The following BMP2K variants were observed in gnomAD, a reference collection of about 807,000 sequenced individuals.
The protein encoded by BMP2K is BMP-2-inducible protein kinase.
In BMP2K, 74 loss-of-function variants were observed where a neutral mutation model predicts 116.0. That is an observed-to-expected ratio of 0.64 (90% confidence interval 0.53 to 0.77). The LOEUF is 0.77. BMP2K is among the 30% of genes least tolerant of loss of function. The pLI, the probability that BMP2K is intolerant of heterozygous loss-of-function variation, is 0.00. For missense variants in BMP2K, 1,365 were observed against 1,403.6 expected (o/e 0.97, Z 0.44); for synonymous variants, 486 against 502.5 (o/e 0.97, Z 0.44).
intron 15 of BMP2K, among the ~76,000 whole-genome samples, chr4:78,900,662 T>G (rs1733951590): frequency 6.6e-6 from 1 of 152,234 alleles, no homozygotes; most frequent in Non-Finnish European, 1.5e-5. Flanking sequence ...TGCCTTAGTT[T>G]ATGATATCAT....
intron 1 of BMP2K, among the ~76,000 whole-genome samples, chr4:78,817,276 C>A (rs963775595): frequency 2.0e-5 from 3 of 152,200 alleles, no homozygotes; most frequent in Non-Finnish European, 4.4e-5. Flanking sequence ...AGCACAGACT[C>A]CACAGGTTAA....
In BMP2K at chr4:78,776,365, G is replaced by C; in HGVS notation, c.-179G>C. 1 of 520,184 alleles carries C rather than the reference G, an allele frequency of 1.9e-6. No individual in the cohort carries two copies. The highest frequency in any genetic ancestry group is 2.6e-6 in the Non-Finnish European group (1 of 389,500). 32.2% of individuals were successfully genotyped at this position (520,184 alleles called of 1,614,324 possible). A position where few individuals can be genotyped will look rare whatever the true frequency, so the allele number is the denominator to read the frequency against. Reference sequence around the variant, plus strand: ...GGAGCCGGGCAGCTGCAGCGGAGCCGCGGAGCGGGCGGCGGGGCCCAGGCT... The same window carrying C: ...GGAGCCGGGCAGCTGCAGCGGAGCCCCGGAGCGGGCGGCGGGGCCCAGGCT... On this transcript the variant is annotated 5_prime_UTR_variant, in exon 1 of 16. Coordinates refer to ENST00000502613, the MANE Select transcript of BMP2K (RefSeq NM_198892.2).
intron 1 of BMP2K, among the ~76,000 whole-genome samples, chr4:78,797,418 A>G (rs1282279795): frequency 6.6e-6 from 1 of 152,200 alleles, no homozygotes; most frequent in Non-Finnish European, 1.5e-5. Flanking sequence ...AGATTCTTAA[A>G]TTTCATCTAG....
At chr4:78,797,339 T>C (rs765713559) in intron 1 of BMP2K, among the ~76,000 whole-genome samples, 5 of 152,180 alleles carry the variant, frequency 3.3e-5, no homozygotes, top group Non-Finnish European at 7.3e-5. Flanking sequence ...ATCAAATCAG[T>C]CCATTATGAA....
chr4:78,824,888 A>T (rs1048363972), intron 1 of BMP2K, among the ~76,000 whole-genome samples: 1 of 152,200 alleles, frequency 6.6e-6, no homozygotes, highest in African/African-American at 2.4e-5. Context: ...TTCAGATAAG[A>T]TGCTTTCTCA....
rs552767908 is a variant in BMP2K at position 78,793,913 on chromosome 4, A to G, written c.178+17192A>G. Reference sequence around the variant, plus strand: ...TAGTTACTAGAACATTTAAAATTTTATATGTGGCTCACATTATATTGGACA... The same window carrying G: ...TAGTTACTAGAACATTTAAAATTTTGTATGTGGCTCACATTATATTGGACA... On this transcript the variant is annotated intron_variant, in intron 1 of 15. Transcript: ENST00000502613. Among the ~76,000 whole-genome samples, 8 of 152,188 alleles carry G rather than the reference A, an allele frequency of 5.3e-5. No homozygotes were observed. The South Asian group carries it at 1.2e-3, about 24-fold the overall frequency.
At position 78,802,647 on chromosome 4, in the gene BMP2K, C is replaced by T. The variant is rs115703079; in HGVS notation, c.179-23390C>T. ...TGTGTTATGAGGTAAAGATCAAATCCCTCTGACTACCCCAGTTGTTATAGC... is the reference window on the plus strand; with the variant it reads ...TGTGTTATGAGGTAAAGATCAAATCTCTCTGACTACCCCAGTTGTTATAGC... On this transcript the variant is annotated intron_variant, in intron 1 of 15. Transcript: ENST00000502613. Among the ~76,000 whole-genome samples the T allele has an allele frequency of 4.5e-3, 688 of 152,030 alleles. 2 individuals carry two copies. The highest frequency in any genetic ancestry group is 0.016 in the African/African-American group (651 of 41,470).
intron 7 of BMP2K, among the ~76,000 whole-genome samples, chr4:78,856,194 C>CT (rs1000652254): frequency 1.3e-5 from 2 of 151,916 alleles, no homozygotes; most frequent in African/African-American, 4.8e-5. Context: ...TTCTTTCTTT[C>CT]TTTTTTTAAA....
At position 78,852,035 on chromosome 4, in the gene BMP2K, AAAGG is replaced by A. The variant is rs1234526857; in HGVS notation, c.883+980_883+983del. ...TAAAGAAAAGGGTAAAAATTCCAAA[AAAGG>A]TCAAAAATGACCAAAAGAAAAAAGG... is the stretch of plus-strand genomic sequence containing the variant. On this transcript the variant is annotated intron_variant, in intron 7 of 15. Coordinates refer to ENST00000502613, the MANE Select transcript of BMP2K (RefSeq NM_198892.2). 9.8e-4 allele frequency among the ~76,000 whole-genome samples: 149 copies of A among 152,232 alleles called. 1 individual carries two copies. In the South Asian group the frequency reaches 0.021, roughly 22 times the overall value.
At position 78,912,109 on chromosome 4, in the gene BMP2K, T is replaced by G. The variant is rs919303838; in HGVS notation, c.*76T>G. The G allele has an allele frequency of 7.5e-7, 1 of 1,334,758 alleles. No homozygotes were observed. The highest frequency in any genetic ancestry group is 1.0e-6 in the Non-Finnish European group (1 of 964,062). 82.7% of individuals were successfully genotyped at this position (1,334,758 alleles called of 1,614,324 possible). A position where few individuals can be genotyped will look rare whatever the true frequency, so the allele number is the denominator to read the frequency against. ...CAGTTTTATGAATTTGAAAGAAAAT[T>G]TGGTAGCTCTTTATAGCATTCATTC... On this transcript the variant is annotated 3_prime_UTR_variant, in exon 16 of 16. Transcript: ENST00000502613.
intron 7 of BMP2K, 136 bp from the exon 8 acceptor site, chr4:78,859,448 T>C (rs1261384189): frequency 1.9e-6 from 1 of 520,944 alleles, no homozygotes; most frequent in African/African-American, 2.0e-5. Context: ...TCTGTAGGCA[T>C]TAATAAAGTT....
chr4:78,874,016 A>G (rs959932351), intron 13 of BMP2K, among the ~76,000 whole-genome samples: 2 of 152,082 alleles, frequency 1.3e-5, no homozygotes, highest in Non-Finnish European at 2.9e-5. Flanking sequence ...CATCTCTACT[A>G]AAAATATAAA....
At chr4:78,896,778 A>G (rs972079727) in intron 15 of BMP2K, among the ~76,000 whole-genome samples, 1 of 152,164 alleles carries the variant, frequency 6.6e-6, no homozygotes, top group East Asian at 1.9e-4. Context: ...CAAATCCATC[A>G]AGAAGAGTTT....
At chr4:78,793,447 G>A (rs962668593) in intron 1 of BMP2K, among the ~76,000 whole-genome samples, 3 of 151,066 alleles carry the variant, frequency 2.0e-5, no homozygotes, top group African/African-American at 4.9e-5. Context: ...GTTATGCACC[G>A]AGTTTATAAT....
At chr4:78,909,641 C>G (rs1276225030) in intron 15 of BMP2K, among the ~76,000 whole-genome samples, 1 of 152,168 alleles carries the variant, frequency 6.6e-6, no homozygotes, top group African/African-American at 2.4e-5. Context: ...TTATCCTTTG[C>G]ATGGCTGGGC....
intron 14 of BMP2K, among the ~76,000 whole-genome samples, chr4:78,886,187 A>G (rs372197004): frequency 6.6e-6 from 1 of 152,112 alleles, no homozygotes; most frequent in Non-Finnish European, 1.5e-5. Context: ...GAGCAAGGAA[A>G]AGATAATCAT....
At chr4:78,794,249 A>G (rs759665697) in intron 1 of BMP2K, among the ~76,000 whole-genome samples, 18 of 152,124 alleles carry the variant, frequency 1.2e-4, no homozygotes, top group Non-Finnish European at 2.2e-4. Context: ...GTGCAATGAT[A>G]TGCATTCTTG....
chr4:78,829,956 C>T (rs1730129036), intron 2 of BMP2K, among the ~76,000 whole-genome samples: 2 of 151,734 alleles, frequency 1.3e-5, no homozygotes, highest in South Asian at 4.2e-4. Context: ...CTCACTGCAA[C>T]CTTGGCCTCC....
At chr4:78,824,137 G>C (rs1038727554) in intron 1 of BMP2K, among the ~76,000 whole-genome samples, 3 of 152,140 alleles carry the variant, frequency 2.0e-5, no homozygotes, top group Non-Finnish European at 4.4e-5. Context: ...TGGTTGATTT[G>C]ATTTCCCTAA....
Sources: gnomAD v4.1 joint callset for allele counts (sites outside exome capture counted in the v4.1 genomes callset) on GRCh38, gnomAD v4.1.1 for gene constraint, MANE v1.5 for transcripts, NCBI Gene and HGNC (gene_info 2026-07-23, HGNC 2026-07-21) for gene names.